NSUN7: variants seen among roughly 807,000 people sequenced by gnomAD.
NSUN7 encodes protein NSUN7.
Under a neutral mutation model 58.5 loss-of-function variants are expected in NSUN7, and 39 were observed. That is an observed-to-expected ratio of 0.67 (90% CI 0.52 to 0.87). The LOEUF is 0.87. NSUN7 is among the 40% of genes least tolerant of loss of function. The probability of loss-of-function intolerance (pLI) is 0.00; values close to 1 mark genes in which losing one functional copy is unlikely to be tolerated. For missense variants in NSUN7, 765 were observed against 844.1 expected, an observed-to-expected ratio of 0.91 and a Z score of 1.16; for synonymous variants, 278 against 303.7, an observed-to-expected ratio of 0.92 and a Z score of 0.88.
Position 40,754,939 on chromosome 4 carries a change from C to A in NSUN7, c.298+3948C>A, listed in dbSNP as rs141322197. 4.6e-3 allele frequency among the ~76,000 whole-genome samples: 699 copies of A among 152,218 alleles called. 5 individuals carry two copies. Among genetic ancestry groups the A allele is most frequent in the East Asian group, 0.017 (88 of 5,190 alleles). On this transcript the variant is annotated intron_variant, in intron 2 of 11. Transcript: ENST00000381782. Reference sequence around the variant, plus strand: ...AACCTTTTAAAGATTTAAAGCGCTCCGTAAAATGTTTTTTGAAATGAAGAG... The same window carrying A: ...AACCTTTTAAAGATTTAAAGCGCTCAGTAAAATGTTTTTTGAAATGAAGAG...
At chr4:40,792,954 A>G (rs1743160840) in intron 8 of NSUN7, among the ~76,000 whole-genome samples, 1 of 152,226 alleles carries the variant, frequency 6.6e-6, no homozygotes, top group African/African-American at 2.4e-5. Flanking sequence ...ATGGAACAAT[A>G]AGGAATTAGT....
chr4:40,794,317 A>C (rs1743225802), intron 8 of NSUN7, 58 bp from the exon 9 acceptor site: 1 of 889,616 alleles, frequency 1.1e-6, no homozygotes. Flanking sequence ...TGATGATAAC[A>C]ATATGTAAAA....
At chr4:40,762,095 GC>G (rs1264425663) in intron 4 of NSUN7, among the ~76,000 whole-genome samples, 1 of 152,112 alleles carries the variant, frequency 6.6e-6, no homozygotes, top group Non-Finnish European at 1.5e-5. Flanking sequence ...TTGTGCTTTT[GC>G]CCTTCTGTGT....
At chr4:40,795,224 A>G (rs1743262793) in intron 9 of NSUN7, among the ~76,000 whole-genome samples, 1 of 152,228 alleles carries the variant, frequency 6.6e-6, no homozygotes, top group East Asian at 1.9e-4. Context: ...AGATCTGAGT[A>G]TAGATCATTC....
intron 2 of NSUN7, 77 bp downstream of exon 2, chr4:40,751,068 C>T: frequency 2.0e-6 from 3 of 1,490,386 alleles, no homozygotes; most frequent in Non-Finnish European, 2.7e-6. Flanking sequence ...AGCCCTCCTC[C>T]TCCCTTCCCC....
In NSUN7 at chr4:40,808,777, G is replaced by T. The variant is rs1181594419; in HGVS notation, c.1995G>T (p.Gly665=). 6.5e-7 allele frequency: 1 copy of T among 1,549,452 alleles called. No individual in the cohort carries two copies. The highest frequency in any genetic ancestry group is 2.0e-5 in the Admixed American group (1 of 50,620). The part of the protein sequence containing the change: ...PVFMPFSSPQ[G]IRSRMPTQHL... ...TTATGCCATTTTCAAGTCCCCAAGG[G>T]ATCAGATCTCGGATGCCAACTCAAC... Residue 665 remains glycine (G), a synonymous_variant, in exon 12 of 12, where the codon GGG becomes GGT. Transcript: ENST00000381782.
chr4:40,762,913 G>A (rs1201882733), intron 4 of NSUN7, among the ~76,000 whole-genome samples: 1 of 152,146 alleles, frequency 6.6e-6, no homozygotes, highest in East Asian at 1.9e-4. Flanking sequence ...ATCCTTATGA[G>A]ATCATCTAAT....
chr4:40,801,265 A>G (rs1743567842), intron 10 of NSUN7, among the ~76,000 whole-genome samples: 1 of 152,178 alleles, frequency 6.6e-6, no homozygotes, highest in South Asian at 2.1e-4. Flanking sequence ...AAGTGGGAGA[A>G]GGGTATTGTG....
In NSUN7 at chr4:40,790,873, T is replaced by G. The variant is rs533554732; in HGVS notation, c.1180+128T>G. On this transcript the variant is annotated intron_variant, in intron 8 of 11. Transcript: ENST00000381782. ...ATAATAGCAACCACATATAAAGTACTTACTATGTATAAAGTCCTTTACCTC... is the reference window on the plus strand; with the variant it reads ...ATAATAGCAACCACATATAAAGTACGTACTATGTATAAAGTCCTTTACCTC... The G allele has an allele frequency of 7.2e-6, 5 of 695,830 alleles. No homozygotes were observed. The East Asian group carries it at 1.5e-4, about 21-fold the overall frequency. The allele number at this position is 695,830 out of a possible 1,614,324, so 43.1% of individuals were successfully genotyped here.
At chr4:40,788,830 A>G (rs1022793552) in intron 7 of NSUN7, among the ~76,000 whole-genome samples, 5 of 151,784 alleles carry the variant, frequency 3.3e-5, no homozygotes, top group African/African-American at 1.2e-4. Context: ...TTCCTTGTTC[A>G]TTTTTCTCTC....
At position 40,782,547 on chromosome 4, in the gene NSUN7, C is replaced by CA. The variant is rs78502337; in HGVS notation, c.1036+6303dup. Among the ~76,000 whole-genome samples the CA allele has an allele frequency of 9.2e-3, 1,087 of 118,478 alleles. 18 individuals carry two copies. The highest frequency in any genetic ancestry group is 0.029 in the African/African-American group (935 of 31,774). The allele number at this position is 118,478 out of a possible 152,430, so 77.7% of individuals were successfully genotyped here. A position where few individuals can be genotyped will look rare whatever the true frequency, so the allele number is the denominator to read the frequency against. On this transcript the variant is annotated intron_variant, in intron 7 of 11. Coordinates refer to ENST00000381782, the MANE Select transcript of NSUN7 (RefSeq NM_024677.6). ...TGCACCATTGCACTCCACCCTGTCTCAAAAAAAAAAAAAAAGAAAAAAAGA... is the reference window on the plus strand; with the variant it reads ...TGCACCATTGCACTCCACCCTGTCTCAAAAAAAAAAAAAAAAGAAAAAAAGA...
At chr4:40,804,129 C>T (rs1743718820) in intron 10 of NSUN7, among the ~76,000 whole-genome samples, 1 of 152,134 alleles carries the variant, frequency 6.6e-6, no homozygotes, top group African/African-American at 2.4e-5. Flanking sequence ...GCCAACAGCA[C>T]AATAAGAGGT....
chr4:40,808,763 T>G lies in NSUN7; in HGVS notation c.1981T>G (p.Ser661Ala). The change falls in exon 12 of 12, where the codon TCA becomes GCA. Residue 661 changes from serine to alanine, a missense_variant. By Grantham distance (99) the Ser-to-Ala change is moderately conservative. Coordinates refer to ENST00000381782, the MANE Select transcript of NSUN7 (RefSeq NM_024677.6). ...IVLPPVFMPF[S>A]SPQGIRSRMP... ...TCTGCCTCCAGTCTTTATGCCATTT[T>G]CAAGTCCCCAAGGGATCAGATCTCG... is the stretch of plus-strand genomic sequence containing the variant. The G allele has an allele frequency of 6.5e-7, 1 of 1,549,956 alleles. No homozygotes were observed. Among genetic ancestry groups the G allele is most frequent in the Non-Finnish European group, 8.7e-7 (1 of 1,146,684 alleles).
At position 40,775,358 on chromosome 4, in the gene NSUN7, T is replaced by C. The variant is rs1309916508; in HGVS notation, c.825+408T>C. The C allele has an allele frequency of 1.3e-5, 2 of 153,614 alleles. No individual in the cohort carries two copies. The highest frequency in any genetic ancestry group is 3.8e-4 in the East Asian group (2 of 5,216). 9.5% of individuals were successfully genotyped at this position (153,614 alleles called of 1,614,324 possible). On this transcript the variant is annotated intron_variant, in intron 6 of 11. Coordinates refer to ENST00000381782, the MANE Select transcript of NSUN7 (RefSeq NM_024677.6). This position sits in a 1 kb window ranked among gnomAD's most constrained non-coding sequence, Gnocchi z 4.3. ...GTTTTTCATAATTTCTTTAATATAG[T>C]CTTATAGCTTTGATTTGTAAGAGGT...
At chr4:40,796,966 A>G (rs1417330204) in intron 9 of NSUN7, among the ~76,000 whole-genome samples, 1 of 151,434 alleles carries the variant, frequency 6.6e-6, no homozygotes, top group African/African-American at 2.4e-5. Flanking sequence ...TCACACGTTC[A>G]CTCCTGCCAC....
chr4:40,751,024 A>G, intron 2 of NSUN7, 33 bp downstream of exon 2: 4 of 1,601,148 alleles, frequency 2.5e-6, no homozygotes, highest in Non-Finnish European at 3.4e-6. Context: ...ATCAACACTA[A>G]AAGAAAATAA....
intron 10 of NSUN7, among the ~76,000 whole-genome samples, chr4:40,802,071 C>G (rs1743611428): frequency 6.6e-6 from 1 of 151,932 alleles, no homozygotes; most frequent in South Asian, 2.1e-4. Flanking sequence ...ATAATTTCAT[C>G]TTTTTTATAT....
Position 40,759,992 on chromosome 4 carries a change from C to T in NSUN7, c.299-442C>T, listed in dbSNP as rs1434883236. On this transcript the variant is annotated intron_variant, in intron 2 of 11. Coordinates refer to ENST00000381782, the MANE Select transcript of NSUN7 (RefSeq NM_024677.6). ...GGCAGACGTTGCAGTGAGCTGAGAT[C>T]GCACCATTGTACTCCAGCCTAGATG... 2.6e-5 allele frequency among the ~76,000 whole-genome samples: 4 copies of T among 152,056 alleles called. No homozygotes were observed. The East Asian group carries it at 5.8e-4, about 22-fold the overall frequency.
rs771014640 is a variant in NSUN7 at position 40,809,448 on chromosome 4, A to T, written c.*509A>T. 1 of 152,274 alleles carries T rather than the reference A, an allele frequency of 6.6e-6. No homozygotes were observed. Among genetic ancestry groups the T allele is most frequent in the Non-Finnish European group, 1.5e-5 (1 of 68,104 alleles). 9.4% of individuals were successfully genotyped at this position (152,274 alleles called of 1,614,324 possible). A position where few individuals can be genotyped will look rare whatever the true frequency, so the allele number is the denominator to read the frequency against. ...GTTCTTTGAACAGGGAATGAACATG[A>T]GTTTTTGTAACGTGACTGAAGTTGA... On this transcript the variant is annotated 3_prime_UTR_variant, in exon 12 of 12. Transcript: ENST00000381782.
Sources: gnomAD v4.1 joint callset for allele counts (sites outside exome capture counted in the v4.1 genomes callset) on GRCh38, gnomAD v4.1.1 for gene constraint, Gnocchi (gnomAD v3.1) non-coding constraint, MANE v1.5 for transcripts, NCBI Gene and HGNC (gene_info 2026-07-23, HGNC 2026-07-21) for gene names.